Variants in FKTN observed in about 807,000 individuals in gnomAD.
FKTN encodes ribitol-5-phosphate transferase FKTN.
In FKTN, 47 loss-of-function variants were observed where a neutral mutation model predicts 58.6. That is an observed-to-expected ratio of 0.80 (90% CI 0.63 to 1.02). FKTN has a LOEUF of 1.02. Among genes scored for constraint, FKTN ranks in the 50% least tolerant of loss-of-function variants. FKTN has a pLI of 0.00. For synonymous variants in FKTN, 178 were observed against 191.9 expected (o/e 0.93, Z 0.60); for missense variants, 516 against 537.3 (o/e 0.96, Z 0.39).
intron 10 of FKTN, among the ~76,000 whole-genome samples, chr9:105,626,614 G>T (rs1258264360): frequency 6.6e-6 from 1 of 152,116 alleles, no homozygotes; most frequent in Non-Finnish European, 1.5e-5. Flanking sequence ...TAAAGTTTGG[G>T]ATTGCTTGGT....
chr9:105,569,484 G>C (rs372482855), intron 1 of FKTN, among the ~76,000 whole-genome samples: 12 of 152,184 alleles, frequency 7.9e-5, no homozygotes, highest in African/African-American at 2.9e-4. Context: ...AAAGATGAAA[G>C]GAAACATAAA....
chr9:105,600,405 C>T (rs1040545730), intron 4 of FKTN, among the ~76,000 whole-genome samples: 1 of 152,040 alleles, frequency 6.6e-6, no homozygotes, highest in Non-Finnish European at 1.5e-5. Context: ...GGCTTTTAAG[C>T]AATAGTGTAT....
At chr9:105,611,695 C>T (rs972440534) in intron 7 of FKTN, among the ~76,000 whole-genome samples, 32 of 152,138 alleles carry the variant, frequency 2.1e-4, no homozygotes, top group African/African-American at 7.5e-4. Flanking sequence ...TTTATGGCTG[C>T]ATAGTATTCC....
In FKTN at chr9:105,572,864, G is replaced by C. The variant is rs560873299; in HGVS notation, c.-180-791G>C. Among the ~76,000 whole-genome samples, 6 of 152,250 alleles carry C rather than the reference G, an allele frequency of 3.9e-5. No individual in the cohort carries two copies. In the South Asian group the frequency reaches 1.2e-3, roughly 32 times the overall value. ...TCAGAAAGAGTTTTCTTGTATACCA[G>C]AGACTACCCTCTAGTCTAGAATACA... On this transcript the variant is annotated intron_variant, in intron 1 of 10. Coordinates refer to ENST00000357998, the MANE Select transcript of FKTN (RefSeq NM_001079802.2).
chr9:105,581,215 T>C (rs925599974), intron 3 of FKTN, among the ~76,000 whole-genome samples: 4 of 149,990 alleles, frequency 2.7e-5, no homozygotes, highest in Non-Finnish European at 5.9e-5. Context: ...GGTGAGGAAC[T>C]GCGTTCCTTT....
chr9:105,623,772 G>A (rs1445451943), intron 10 of FKTN, among the ~76,000 whole-genome samples: 1 of 152,122 alleles, frequency 6.6e-6, no homozygotes, highest in East Asian at 1.9e-4. Flanking sequence ...CATGAGACAT[G>A]TTAAAGTACT....
chr9:105,569,496 G>T (rs1490021777), intron 1 of FKTN, among the ~76,000 whole-genome samples: 1 of 152,094 alleles, frequency 6.6e-6, no homozygotes, highest in African/African-American at 2.4e-5. Context: ...AAACATAAAA[G>T]AATGTGTTCT....
Position 105,641,026 on chromosome 9 carries a change from A to G in FKTN, c.*5762A>G, listed in dbSNP as rs1834384874. 6.6e-6 allele frequency: 1 copy of G among 152,230 alleles called. No homozygotes were observed. The highest frequency in any genetic ancestry group is 6.5e-5 in the Admixed American group (1 of 15,288). The allele number at this position is 152,230 out of a possible 1,614,324, so 9.4% of individuals were successfully genotyped here. ...TCTTCAGGTACAGATAGTTTGTGGT[A>G]CTACTTGAAAATACCTTTAATATTA... On this transcript the variant is annotated 3_prime_UTR_variant, in exon 11 of 11. Transcript: ENST00000357998.
intron 3 of FKTN, among the ~76,000 whole-genome samples, chr9:105,575,675 A>G (rs1248451248): frequency 6.6e-6 from 1 of 152,172 alleles, no homozygotes; most frequent in Non-Finnish European, 1.5e-5. Context: ...GGTGTATTAT[A>G]ATAATTACTA....
At chr9:105,594,712 C>T (rs979286319) in intron 3 of FKTN, among the ~76,000 whole-genome samples, 42 of 152,182 alleles carry the variant, frequency 2.8e-4, no homozygotes, top group African/African-American at 1.0e-3. Context: ...CGCCACTGCA[C>T]TCCAGCCTGG....
At chr9:105,594,265 G>A (rs1303247338) in intron 3 of FKTN, among the ~76,000 whole-genome samples, 1 of 152,076 alleles carries the variant, frequency 6.6e-6, no homozygotes, top group Non-Finnish European at 1.5e-5. Flanking sequence ...TGTGGTGGGG[G>A]TTTTTGAAAA....
intron 1 of FKTN, among the ~76,000 whole-genome samples, chr9:105,561,906 G>C (rs1838361468): frequency 6.6e-6 from 1 of 151,212 alleles, no homozygotes; most frequent in Non-Finnish European, 1.5e-5. Context: ...TGGCTTTTGA[G>C]AACAGCTGAA....
Position 105,615,366 on chromosome 9 carries a change from A to T in FKTN, c.869A>T (p.Lys290Ile), listed in dbSNP as rs755092516. The T allele has an allele frequency of 5.1e-5, 82 of 1,613,936 alleles. No homozygotes were observed. The Admixed American group carries it at 1.4e-3, about 27-fold the overall frequency. ...CAACTAGCAGCGAAAACATTAAACA[A>T]ATTGGGAGTACCATTCTGGCTGAGC... ...LLQLAAKTLN[K>I]LGVPFWLSSG... Residue 290 changes from lysine to isoleucine, a missense_variant, in exon 8 of 11, where the codon AAA becomes ATA. Coordinates refer to ENST00000357998, the MANE Select transcript of FKTN (RefSeq NM_001079802.2).
chr9:105,583,745 A>G (rs1038291458), intron 3 of FKTN, among the ~76,000 whole-genome samples: 14 of 152,154 alleles, frequency 9.2e-5, no homozygotes, highest in African/African-American at 3.4e-4. Context: ...TCCTTAGGGC[A>G]TCTGTTTTTT....
chr9:105,619,387 A>G (rs1175863519), intron 9 of FKTN, among the ~76,000 whole-genome samples: 1 of 152,144 alleles, frequency 6.6e-6, no homozygotes, highest in Non-Finnish European at 1.5e-5. Context: ...AATTATTTGT[A>G]TGATAAGTTT....
rs138989267 is a variant in FKTN, at chr9:105,635,318, G to T, written c.*54G>T. 249 of 1,611,990 alleles carry T rather than the reference G, an allele frequency of 1.5e-4. 1 individual carries two copies. The African/African-American group carries it at 3.0e-3, about 19-fold the overall frequency. On this transcript the variant is annotated 3_prime_UTR_variant, in exon 11 of 11. Transcript: ENST00000357998. ...CTTTTGGAAAAAAAGGTAGATAACT[G>T]TTTAAAAAATACATGTCTATTTGTC...
intron 8 of FKTN, 152 bp downstream of exon 8, chr9:105,615,559 T>C (rs1033577654): frequency 8.1e-6 from 6 of 743,160 alleles, no homozygotes; most frequent in Non-Finnish European, 1.4e-5. Flanking sequence ...GATCTATTGA[T>C]TTCCTTAAAG....
Position 105,635,429 on chromosome 9 carries a change from G to A in FKTN, c.*165G>A, listed in dbSNP as rs555286747. 6.2e-6 allele frequency: 9 copies of A among 1,462,758 alleles called. No homozygotes were observed. Among genetic ancestry groups the A allele is most frequent in the African/African-American group, 2.8e-5 (2 of 70,484 alleles). The allele number at this position is 1,462,758 out of a possible 1,614,324, so 90.6% of individuals were successfully genotyped here. ...TGATGTAATTCTCTCACTTAGTACT[G>A]AGGAATTTTCATGTGCCACATACAA... On this transcript the variant is annotated 3_prime_UTR_variant, in exon 11 of 11. Transcript: ENST00000357998.
chr9:105,608,129 A>G (rs1306334577), intron 7 of FKTN, among the ~76,000 whole-genome samples, 178 bp downstream of exon 7: 1 of 152,196 alleles, frequency 6.6e-6, no homozygotes, highest in African/African-American at 2.4e-5. Flanking sequence ...TAGATTAAAA[A>G]TTAACCTTAA....
Sources: allele counts gnomAD v4.1 joint callset (sites outside exome capture counted in the v4.1 genomes callset), GRCh38; gene constraint gnomAD v4.1.1; transcripts MANE v1.5; gene names NCBI Gene and HGNC (gene_info 2026-07-23, HGNC 2026-07-21).